Variants in CMSS1 observed in about 807,000 individuals in gnomAD.
CMSS1 encodes protein CMSS1.
CMSS1 carries 33 observed loss-of-function variants against 43.5 expected under a neutral mutation model. The ratio of observed to expected loss-of-function variants is 0.76; its 90% CI spans 0.57 to 1.01. CMSS1 has a LOEUF of 1.01. Ranked by LOEUF, CMSS1 falls within the 50% of genes least tolerant of loss-of-function variation. The pLI is 0.00. For missense variants in CMSS1, 313 were observed against 326.4 expected, an observed-to-expected ratio of 0.96 and a Z score of 0.32; for synonymous variants, 115 against 117.2, an observed-to-expected ratio of 0.98 and a Z score of 0.12.
intron 1 of CMSS1, among the ~76,000 whole-genome samples, chr3:99,840,022 T>C (rs2107502734): frequency 6.6e-6 from 1 of 152,204 alleles, no homozygotes; most frequent in African/African-American, 2.4e-5. Flanking sequence ...GGAGATATTA[T>C]TGTCACAGTT....
Position 99,881,538 on chromosome 3 carries a change from T to TC in CMSS1, c.64+63495_64+63496insC, listed in dbSNP as rs1491120236. The stretch of plus-strand genomic sequence containing the variant: ...AATTTGTAGCCCATCTCTCTCTCTC[T>TC]TTTTTTTTTTTTGAGACACAGTCTC... On this transcript the variant is annotated intron_variant, in intron 1 of 9. Transcript: ENST00000421999. 1.8e-4 allele frequency among the ~76,000 whole-genome samples: 22 copies of TC among 121,950 alleles called. No individual in the cohort carries two copies. The South Asian group carries it at 3.7e-3, about 20-fold the overall frequency. The allele number at this position is 121,950 out of a possible 152,430, so 80.0% of individuals were successfully genotyped here. A position where few individuals can be genotyped will look rare whatever the true frequency, so the allele number is the denominator to read the frequency against.
intron 1 of CMSS1, among the ~76,000 whole-genome samples, chr3:99,921,382 G>T (rs1203262247): frequency 6.6e-6 from 1 of 152,126 alleles, no homozygotes; most frequent in Admixed American, 6.5e-5. Context: ...ATAGAAGTCA[G>T]TTATGCCTCA....
rs749825700 is a variant in CMSS1, at chr3:100,012,896, C to T, written c.65-134077C>T. 7.9e-5 allele frequency among the ~76,000 whole-genome samples: 12 copies of T among 151,878 alleles called. No individual in the cohort carries two copies. In the South Asian group the frequency reaches 8.4e-4, roughly 11 times the overall value. On this transcript the variant is annotated intron_variant, in intron 1 of 9. Coordinates refer to ENST00000421999, the MANE Select transcript of CMSS1 (RefSeq NM_032359.4). Reference sequence around the variant, plus strand: ...TCAAGCAGTCCTCCCATCTCAGCCTCCTAAGTAGCTAGGATTACAGACTGT... The same window carrying T: ...TCAAGCAGTCCTCCCATCTCAGCCTTCTAAGTAGCTAGGATTACAGACTGT...
intron 1 of CMSS1, among the ~76,000 whole-genome samples, chr3:100,101,192 TACTAAG>T (rs1553714059): frequency 6.6e-6 from 1 of 152,172 alleles, no homozygotes; most frequent in Non-Finnish European, 1.5e-5. Context: ...GACAGCGTTA[TACTAAG>T]ACTGAGAAAG....
At chr3:100,096,903 C>T (rs1298255030) in intron 1 of CMSS1, among the ~76,000 whole-genome samples, 1 of 151,906 alleles carries the variant, frequency 6.6e-6, no homozygotes, top group Non-Finnish European at 1.5e-5. Context: ...CTACTATGTA[C>T]CCACAAAAAT....
intron 1 of CMSS1, among the ~76,000 whole-genome samples, chr3:99,851,241 G>A (rs553006706): frequency 1.3e-5 from 2 of 152,274 alleles, no homozygotes; most frequent in East Asian, 1.9e-4. Flanking sequence ...TCTTGATAAA[G>A]TTATCTTGCT....
chr3:100,084,790 A>G (rs961206673), intron 1 of CMSS1, among the ~76,000 whole-genome samples: 3 of 152,190 alleles, frequency 2.0e-5, no homozygotes, highest in Non-Finnish European at 4.4e-5. Context: ...CTTGGTTCAT[A>G]TTATCATCTC....
intron 1 of CMSS1, among the ~76,000 whole-genome samples, chr3:99,897,296 C>T (rs556877949): frequency 2.2e-4 from 34 of 151,398 alleles, no homozygotes; most frequent in Non-Finnish European, 4.6e-4. Flanking sequence ...GAGGCCTCCG[C>T]GGGAGGAGGT....
intron 1 of CMSS1, among the ~76,000 whole-genome samples, chr3:100,014,205 T>A (rs939654412): frequency 2.7e-5 from 4 of 150,922 alleles, no homozygotes; most frequent in African/African-American, 2.4e-5. Context: ...TATATATATA[T>A]TATATATATA....
intron 1 of CMSS1, among the ~76,000 whole-genome samples, chr3:100,037,199 G>A (rs1395709302): frequency 6.6e-6 from 1 of 152,166 alleles, no homozygotes; most frequent in Non-Finnish European, 1.5e-5. Flanking sequence ...TGTGGAGTAA[G>A]TGAATTTCTT....
intron 1 of CMSS1, chr3:100,011,676 A>G (rs1710161336): frequency 1.3e-5 from 2 of 152,200 alleles, no homozygotes; most frequent in South Asian, 2.1e-4. Context: ...AAGTTCATGT[A>G]TTAAACCAAA....
chr3:100,158,748 A>T (rs1412285915), intron 2 of CMSS1, among the ~76,000 whole-genome samples: 5 of 152,094 alleles, frequency 3.3e-5, no homozygotes, highest in African/African-American at 4.8e-5. Flanking sequence ...TTACATTTTT[A>T]TTTTTTCTCC....
intron 1 of CMSS1, among the ~76,000 whole-genome samples, chr3:99,903,409 A>G (rs1435666154): frequency 1.3e-5 from 2 of 151,664 alleles, no homozygotes; most frequent in Non-Finnish European, 2.9e-5. Flanking sequence ...CTGCCACCAC[A>G]CCCAGCTAAT....
intron 1 of CMSS1, among the ~76,000 whole-genome samples, chr3:99,913,532 G>A (rs1323513793): frequency 1.3e-5 from 2 of 152,122 alleles, no homozygotes; most frequent in Non-Finnish European, 2.9e-5. Flanking sequence ...ACAATCTAAA[G>A]CTCATAAGGT....
At chr3:99,829,736 T>G (rs1235557757) in intron 1 of CMSS1, among the ~76,000 whole-genome samples, 1 of 152,214 alleles carries the variant, frequency 6.6e-6, no homozygotes, top group Non-Finnish European at 1.5e-5. Context: ...ACCTGGAATA[T>G]TGATTCATGT....
At chr3:99,881,534 TCTC>T (rs1261389183) in intron 1 of CMSS1, among the ~76,000 whole-genome samples, 1 of 149,516 alleles carries the variant, frequency 6.7e-6, no homozygotes, top group African/African-American at 2.5e-5. Context: ...CATCTCTCTC[TCTC>T]TTTTTTTTTT....
chr3:100,075,389 T>C (rs2065834302), intron 1 of CMSS1, among the ~76,000 whole-genome samples: 1 of 152,222 alleles, frequency 6.6e-6, no homozygotes, highest in East Asian at 1.9e-4. Flanking sequence ...GGGCTTATGA[T>C]AACGAGCAGA....
At chr3:99,831,905 C>T (rs573845577) in intron 1 of CMSS1, among the ~76,000 whole-genome samples, 40 of 152,146 alleles carry the variant, frequency 2.6e-4, no homozygotes, top group Non-Finnish European at 3.8e-4. Flanking sequence ...TTTTTCTTCA[C>T]CTGGAACTCT....
In CMSS1 at chr3:100,167,719, T is replaced by C. The variant is rs2067076543; in HGVS notation, c.416-19T>C. The C allele has an allele frequency of 1.3e-6, 2 of 1,551,592 alleles. No individual in the cohort carries two copies. The highest frequency in any genetic ancestry group is 1.8e-6 in the Non-Finnish European group (2 of 1,130,186). ...GTTTTGCCATATTTCAAATAATTGT[T>C]TTCTGTTCTTTTTTCCAGTTTGTCC... On this transcript the variant is annotated intron_variant, in intron 5 of 9. Transcript: ENST00000421999.
Sources: gnomAD v4.1 joint callset for allele counts (sites outside exome capture counted in the v4.1 genomes callset) on GRCh38, gnomAD v4.1.1 for gene constraint, MANE v1.5 for transcripts, NCBI Gene and HGNC (gene_info 2026-07-23, HGNC 2026-07-21) for gene names.